The following LAMA4 variants were observed in gnomAD, a reference collection of about 807,000 sequenced individuals.
The protein encoded by LAMA4 is laminin subunit alpha-4.
LAMA4 carries 127 observed loss-of-function variants against 207.1 expected under a neutral mutation model. The observed-to-expected ratio is 0.61, with a 90% CI of 0.53 to 0.71. LAMA4 has a LOEUF of 0.71. Among genes scored for constraint, LAMA4 ranks in the 30% least tolerant of loss-of-function variants. The pLI is 0.00. For missense variants in LAMA4, 2,093 were observed against 2,246.5 expected (o/e 0.93, Z 1.38); for synonymous variants, 761 against 816.0 (o/e 0.93, Z 1.15).
intron 17 of LAMA4, among the ~76,000 whole-genome samples, chr6:112,149,916 G>T (rs12213786): frequency 0.3 from 45,607 of 152,048 alleles, 7,380 homozygotes; most frequent in African/African-American, 0.43. Context: ...CGCGAAGGAA[G>T]GCACATCTGC....
At chr6:112,184,320 A>G (rs1782551720) in intron 9 of LAMA4, among the ~76,000 whole-genome samples, 1 of 146,404 alleles carries the variant, frequency 6.8e-6, no homozygotes, top group Admixed American at 6.7e-5. Context: ...GTGGAATATC[A>G]TTAGAAAAAA....
intron 2 of LAMA4, chr6:112,218,441 T>C (rs1784751647): frequency 6.6e-6 from 1 of 152,240 alleles, no homozygotes; most frequent in Admixed American, 6.5e-5. Flanking sequence ...GCCTTGTATA[T>C]ATTAATTGCT....
At position 112,155,421 on chromosome 6, in the gene LAMA4, A is replaced by C; in HGVS notation, c.1959+144T>G. On this transcript the variant is annotated intron_variant, in intron 15 of 38. Coordinates refer to ENST00000230538, the MANE Select transcript of LAMA4 (RefSeq NM_001105206.3). ...GCAGACTGAAACCTTCAAGGCATTCATGAAATGGTCTTCCCTTAGTTCCCC... is the reference window on the plus strand; with the variant it reads ...GCAGACTGAAACCTTCAAGGCATTCCTGAAATGGTCTTCCCTTAGTTCCCC... 3.5e-6 allele frequency: 3 copies of C among 856,610 alleles called. No individual in the cohort carries two copies. In the East Asian group the frequency reaches 7.8e-5, roughly 22 times the overall value. 53.1% of individuals were successfully genotyped at this position (856,610 alleles called of 1,614,324 possible). A position where few individuals can be genotyped will look rare whatever the true frequency, so the allele number is the denominator to read the frequency against.
chr6:112,139,877 G>A lies in LAMA4; in HGVS notation c.2985C>T (p.Thr995=), dbSNP rs782718371. The part of the protein sequence containing the change: ...GGVPSNFKLP[T]SLNLPGFVGC... ...CAACAAAGCCAGGCAGGTTTAAGCT[G>A]GTAGGGAGCTATGCAATAGAAAAAG... The change falls in exon 23 of 39, where the codon ACC becomes ACT. Residue 995 remains threonine (T), a synonymous_variant. Transcript: ENST00000230538. 5.0e-6 allele frequency: 8 copies of A among 1,613,862 alleles called. No individual in the cohort carries two copies. In the Admixed American group the frequency reaches 1.3e-4, roughly 27 times the overall value.
intron 22 of LAMA4, among the ~76,000 whole-genome samples, chr6:112,140,095 A>G (rs1583691704): frequency 6.6e-6 from 1 of 152,322 alleles, no homozygotes; most frequent in East Asian, 1.9e-4. Context: ...GGATTTACTG[A>G]GCATAGATTA....
At position 112,191,763 on chromosome 6, in the gene LAMA4, C is replaced by T. The variant is rs1473035554; in HGVS notation, c.591G>A (p.Leu197=). The stretch of plus-strand genomic sequence containing the variant: ...TGACTTCATCACAATCTTCAAAGAT[C>T]AGGTTGGGATCTGAATTTCCACTGC... ...CDCSGNSDPN[L]IFEDCDEVTG... The change falls in exon 6 of 39, where the codon CTG becomes CTA. Residue 197 remains leucine, a synonymous_variant. Coordinates refer to ENST00000230538, the MANE Select transcript of LAMA4 (RefSeq NM_001105206.3). The T allele has an allele frequency of 1.2e-6, 2 of 1,613,994 alleles. No individual in the cohort carries two copies. Among genetic ancestry groups the T allele is most frequent in the Non-Finnish European group, 1.7e-6 (2 of 1,179,978 alleles).
At chr6:112,122,709 G>C (rs1778435675) in intron 31 of LAMA4, among the ~76,000 whole-genome samples, 1 of 152,188 alleles carries the variant, frequency 6.6e-6, no homozygotes. Flanking sequence ...AATTTTATGT[G>C]ACAGGATATA....
chr6:112,130,220 C>G (rs966311596), intron 29 of LAMA4, 180 bp from the exon 30 acceptor site: 1 of 594,650 alleles, frequency 1.7e-6, no homozygotes, highest in African/African-American at 1.9e-5. Flanking sequence ...TTTCTATATG[C>G]AAAAAAGATC....
At chr6:112,247,623 G>A (rs1787083461) in intron 2 of LAMA4, among the ~76,000 whole-genome samples, 1 of 152,188 alleles carries the variant, frequency 6.6e-6, no homozygotes, top group Admixed American at 6.5e-5. Flanking sequence ...CCACTCACAG[G>A]ATGCGTTTCT....
intron 2 of LAMA4, among the ~76,000 whole-genome samples, chr6:112,238,241 CTG>C (rs1398783711): frequency 6.6e-6 from 1 of 152,110 alleles, no homozygotes; most frequent in Non-Finnish European, 1.5e-5. Flanking sequence ...CTTGTTTCGT[CTG>C]TGTTTTACTC....
intron 38 of LAMA4, among the ~76,000 whole-genome samples, chr6:112,112,753 A>AAAG (rs1554322032): frequency 6.6e-6 from 1 of 152,188 alleles, no homozygotes; most frequent in East Asian, 1.9e-4. Flanking sequence ...AAATTCAGAC[A>AAAG]AAGAAGAGTG....
intron 32 of LAMA4, among the ~76,000 whole-genome samples, chr6:112,121,259 G>A (rs184589991): frequency 9.5e-4 from 144 of 152,288 alleles, no homozygotes; most frequent in African/African-American, 3.2e-3. Context: ...CCACCCGAGC[G>A]TGTAGAAATT....
At chr6:112,115,823 G>T (rs782529075) in intron 36 of LAMA4, 40 bp downstream of exon 36, 1 of 1,597,952 alleles carries the variant, frequency 6.3e-7, no homozygotes, top group Non-Finnish European at 8.6e-7. Flanking sequence ...AGAATCCAAG[G>T]TCAGATGAGA....
intron 2 of LAMA4, among the ~76,000 whole-genome samples, chr6:112,229,758 AT>A (rs1337444579): frequency 5.2e-5 from 8 of 152,384 alleles, no homozygotes; most frequent in African/African-American, 1.9e-4. Flanking sequence ...TCCGCGTATC[AT>A]AATTCCTCTA....
rs115308621 is a variant in LAMA4 at position 112,235,054 on chromosome 6, G to A, written c.196-18585C>T. On this transcript the variant is annotated intron_variant, in intron 2 of 38. Coordinates refer to ENST00000230538, the MANE Select transcript of LAMA4 (RefSeq NM_001105206.3). ...TCCTCCTGACATCAAAGACTAGGGT[G>A]AGAATGAGGCGTGAAAGTGCCCACC... is the stretch of plus-strand genomic sequence containing the variant. 8.6e-3 allele frequency among the ~76,000 whole-genome samples: 1,313 copies of A among 152,288 alleles called. 18 individuals carry two copies. The highest frequency in any genetic ancestry group is 0.03 in the African/African-American group (1,261 of 41,560).
chr6:112,190,959 T>TCTTTCTTTCTTTCCTTC (rs1562714992), intron 6 of LAMA4, among the ~76,000 whole-genome samples: 1 of 143,060 alleles, frequency 7.0e-6, no homozygotes, highest in African/African-American at 2.7e-5. Flanking sequence ...TTTCTTTCTT[T>TCTTTCTTTCTTTCCTTC]CTTTCTTTCT....
At chr6:112,166,754 T>C (rs1554340076) in intron 12 of LAMA4, among the ~76,000 whole-genome samples, 2 of 152,182 alleles carry the variant, frequency 1.3e-5, no homozygotes, top group Non-Finnish European at 2.9e-5. Context: ...TAAAGATATT[T>C]CCACAGAAAA....
chr6:112,219,214 T>C (rs926500441), intron 2 of LAMA4: 7 of 152,216 alleles, frequency 4.6e-5, no homozygotes, highest in African/African-American at 1.7e-4. Flanking sequence ...AGTATGAAAG[T>C]AGAACGATGT....
At chr6:112,128,874 C>A (rs1778855467) in intron 31 of LAMA4, 48 bp downstream of exon 31, 2 of 1,532,902 alleles carry the variant, frequency 1.3e-6, no homozygotes, top group Non-Finnish European at 9.0e-7. Context: ...GAACTGTGTG[C>A]ATGGAAAATG....
Sources: allele counts gnomAD v4.1 joint callset (sites outside exome capture counted in the v4.1 genomes callset), GRCh38; gene constraint gnomAD v4.1.1; transcripts MANE v1.5; gene names NCBI Gene and HGNC (gene_info 2026-07-23, HGNC 2026-07-21).